SPIDR: variants seen among roughly 807,000 people sequenced by gnomAD.
SPIDR encodes the protein DNA repair-scaffolding protein.
SPIDR carries 93 observed loss-of-function variants against 104.6 expected under a neutral mutation model. The ratio of observed to expected loss-of-function variants is 0.89; its 90% CI spans 0.75 to 1.06. The LOEUF is 1.06. SPIDR is among the 50% of genes least tolerant of loss of function. SPIDR has a pLI of 0.00. For missense variants in SPIDR, 1,154 were observed against 1,111.2 expected, an observed-to-expected ratio of 1.04 and a Z score of -0.55; for synonymous variants, 431 against 416.9, an observed-to-expected ratio of 1.03 and a Z score of -0.41.
chr8:47,695,393 T>A (rs575470826), intron 11 of SPIDR, among the ~76,000 whole-genome samples: 1 of 152,184 alleles, frequency 6.6e-6, no homozygotes, highest in South Asian at 2.1e-4. Context: ...AAAAAAATGA[T>A]TCCAAGCTCT....
intron 8 of SPIDR, among the ~76,000 whole-genome samples, chr8:47,531,254 C>G (rs2154384488): frequency 6.6e-6 from 1 of 152,210 alleles, no homozygotes; most frequent in East Asian, 1.9e-4. Flanking sequence ...TAGCCTAGGC[C>G]TACATGGGGT....
intron 5 of SPIDR, among the ~76,000 whole-genome samples, chr8:47,305,747 A>G (rs2042990826): frequency 6.6e-6 from 1 of 152,218 alleles, no homozygotes; most frequent in Non-Finnish European, 1.5e-5. Flanking sequence ...CTAGATGTGT[A>G]CTAATTGTTA....
intron 5 of SPIDR, among the ~76,000 whole-genome samples, chr8:47,297,564 G>A (rs1052801959): frequency 1.3e-5 from 2 of 151,852 alleles, no homozygotes; most frequent in African/African-American, 2.4e-5. Flanking sequence ...CCATTAACTC[G>A]TCATTTAACA....
At chr8:47,567,499 G>A (rs888927678) in intron 8 of SPIDR, among the ~76,000 whole-genome samples, 2 of 151,908 alleles carry the variant, frequency 1.3e-5, no homozygotes, top group African/African-American at 4.8e-5. Context: ...GATTACAGGT[G>A]TGAGCCACCC....
chr8:47,686,815 G>A (rs1169384316), intron 11 of SPIDR, among the ~76,000 whole-genome samples: 1 of 151,954 alleles, frequency 6.6e-6, no homozygotes, highest in African/African-American at 2.4e-5. Flanking sequence ...TTAGATTCTT[G>A]GTATTTTCCA....
chr8:47,356,335 C>T (rs535462805), intron 5 of SPIDR, among the ~76,000 whole-genome samples: 4 of 152,142 alleles, frequency 2.6e-5, no homozygotes, highest in Non-Finnish European at 5.9e-5. Context: ...GGATCAGAGT[C>T]GCTGTCTTGG....
chr8:47,627,691 C>T (rs2066408546), intron 10 of SPIDR, among the ~76,000 whole-genome samples: 1 of 152,040 alleles, frequency 6.6e-6, no homozygotes, highest in African/African-American at 2.4e-5. Context: ...CTCCCCCCTC[C>T]CTGGCCCCCA....
chr8:47,528,584 G>A (rs1365915134), intron 8 of SPIDR, among the ~76,000 whole-genome samples: 1 of 152,090 alleles, frequency 6.6e-6, no homozygotes, highest in African/African-American at 2.4e-5. Flanking sequence ...ACAGGTGGGT[G>A]AAGGAGAGAA....
intron 8 of SPIDR, among the ~76,000 whole-genome samples, chr8:47,568,904 T>C (rs1397309152): frequency 6.6e-6 from 1 of 152,120 alleles, no homozygotes; most frequent in Non-Finnish European, 1.5e-5. Flanking sequence ...GTAATCACAT[T>C]GAATGTAAAT....
At chr8:47,613,818 T>C (rs1217180531) in intron 10 of SPIDR, among the ~76,000 whole-genome samples, 1 of 152,236 alleles carries the variant, frequency 6.6e-6, no homozygotes, top group African/African-American at 2.4e-5. Flanking sequence ...TTTTTAAAAT[T>C]ATATTGTATT....
chr8:47,583,998 G>A (rs1278273550), intron 8 of SPIDR, among the ~76,000 whole-genome samples: 7 of 152,160 alleles, frequency 4.6e-5, no homozygotes, highest in Admixed American at 2.6e-4. Context: ...TGTCACAAGT[G>A]GTCATTAAAG....
chr8:47,423,439 A>G (rs575316258), intron 7 of SPIDR, among the ~76,000 whole-genome samples: 1 of 151,978 alleles, frequency 6.6e-6, no homozygotes, highest in African/African-American at 2.4e-5. Flanking sequence ...AAAAGTACTA[A>G]AAATACAGAA....
intron 14 of SPIDR, among the ~76,000 whole-genome samples, chr8:47,710,097 C>T (rs577534338): frequency 2.6e-5 from 4 of 152,046 alleles, no homozygotes; most frequent in Admixed American, 1.3e-4. Context: ...AGGCTGCTCT[C>T]GAACTCCTGA....
At chr8:47,356,034 G>A (rs1554625619) in intron 5 of SPIDR, among the ~76,000 whole-genome samples, 2 of 152,098 alleles carry the variant, frequency 1.3e-5, no homozygotes, top group Non-Finnish European at 2.9e-5. Flanking sequence ...TTGAGGGCCA[G>A]GATCATCATG....
intron 8 of SPIDR, among the ~76,000 whole-genome samples, chr8:47,554,969 C>A (rs1365210603): frequency 1.3e-5 from 2 of 152,204 alleles, no homozygotes; most frequent in Non-Finnish European, 2.9e-5. Flanking sequence ...AAATACCAGA[C>A]TTTTATGCTT....
At chr8:47,262,880 A>T (rs574283713) in intron 1 of SPIDR, among the ~76,000 whole-genome samples, 2 of 152,126 alleles carry the variant, frequency 1.3e-5, no homozygotes, top group South Asian at 4.1e-4. Context: ...GCCGGCTAGC[A>T]TGCTCCCATT....
chr8:47,592,181 C>G, intron 8 of SPIDR: 1 of 1,389,510 alleles, frequency 7.2e-7, no homozygotes, highest in East Asian at 2.3e-5. Context: ...AGTTCATGCT[C>G]TAGCTGTTTC....
intron 7 of SPIDR, among the ~76,000 whole-genome samples, chr8:47,425,096 T>C (rs945171086): frequency 6.6e-6 from 1 of 152,216 alleles, no homozygotes; most frequent in Non-Finnish European, 1.5e-5. Flanking sequence ...CCAAGTAATA[T>C]TCTCAGTGTT....
intron 5 of SPIDR, among the ~76,000 whole-genome samples, chr8:47,322,640 T>G (rs1215659650): frequency 6.6e-6 from 1 of 152,186 alleles, no homozygotes. Flanking sequence ...CATGCACACG[T>G]ATGTTTATTG....
Sources: allele counts gnomAD v4.1 joint callset (sites outside exome capture counted in the v4.1 genomes callset), GRCh38; gene constraint gnomAD v4.1.1; transcripts MANE v1.5; gene names NCBI Gene and HGNC (gene_info 2026-07-23, HGNC 2026-07-21).